The following ABCA2 variants were observed in gnomAD, a reference collection of about 807,000 sequenced individuals.
ABCA2 encodes the protein ATP binding cassette subfamily A member 2.
ABCA2 carries 84 observed loss-of-function variants against 262.8 expected under a neutral mutation model. The ratio of observed to expected loss-of-function variants is 0.32; its 90% CI spans 0.27 to 0.38. The LOEUF (loss-of-function observed/expected upper bound fraction) is 0.38. ABCA2 is among the 10% of genes least tolerant of loss of function. ABCA2 has a pLI of 1.00. For synonymous variants in ABCA2, 1,696 were observed against 1,502.9 expected, an observed-to-expected ratio of 1.13 and a Z score of -2.97; for missense variants, 2,662 against 3,405.9, an observed-to-expected ratio of 0.78 and a Z score of 5.44.
At chr9:137,010,875 TGCCCCATCCCTGCCCCCACCCCC>T in intron 39 of ABCA2, 75 bp downstream of exon 39, 1 of 621,410 alleles carries the variant, frequency 1.6e-6, no homozygotes, top group South Asian at 2.0e-5. Flanking sequence ...CACCCCCTCC[TGCCCCATCCCTGCCCCCACCCCC>T]GCCCCTACCC....
chr9:137,023,551 C>A, intron 3 of ABCA2: 1 of 742,794 alleles, frequency 1.3e-6, no homozygotes, highest in Non-Finnish European at 2.5e-6. Flanking sequence ...CAGACTCAGC[C>A]CAGAAGCCGA....
Position 137,018,080 on chromosome 9 carries a change from G to A in ABCA2, c.1994-5C>T. 1 of 1,612,078 alleles carries A rather than the reference G, an allele frequency of 6.2e-7. No homozygotes were observed. On this transcript the variant is annotated splice_region_variant and splice_polypyrimidine_tract_variant and intron_variant, in intron 14 of 48. Transcript: ENST00000341511. ...TGATGGCGCGCTCCATCATGTCTGT[G>A]GGTGGGGGCAGCCATCAGGTGCCGG...
At position 137,020,228 on chromosome 9, in the gene ABCA2, AC is replaced by A. The variant is rs1463475345; in HGVS notation, c.1425+107del. ...TGTCCCATCCGAAGCTGCACCCCGT[AC>A]CCCTCCCGTGTCAATTCTGCCGACA... On this transcript the variant is annotated intron_variant, in intron 10 of 48. Transcript: ENST00000341511. 4 of 1,475,784 alleles carry A rather than the reference AC, an allele frequency of 2.7e-6. No individual in the cohort carries two copies. In the African/African-American group the frequency reaches 5.6e-5, roughly 21 times the overall value. 91.4% of individuals were successfully genotyped at this position (1,475,784 alleles called of 1,614,324 possible).
In ABCA2 at chr9:137,011,921, T is replaced by C. The variant is rs778148793; in HGVS notation, c.5458A>G (p.Thr1820Ala). The C allele has an allele frequency of 1.2e-6, 2 of 1,612,588 alleles. No individual in the cohort carries two copies. The highest frequency in any genetic ancestry group is 1.7e-6 in the Non-Finnish European group (2 of 1,179,882). Residue 1820 changes from threonine to alanine, a missense_variant, in exon 35 of 49, where the codon ACC becomes GCC. Physicochemically the swap from Thr to Ala is moderately conservative, Grantham distance 58. Coordinates refer to ENST00000341511, the MANE Select transcript of ABCA2 (RefSeq NM_001606.5). The surrounding 1 kb of genome is among the most constrained non-coding windows in gnomAD (Gnocchi z 8.8). ...ACAAACTGCAGGTGCTTGGCCTTGG[T>C]GGACTTCTCGGCCACGAGGAAGACA... ...FVVFLVAEKS[T>A]KAKHLQFVSG...
In ABCA2 at chr9:137,007,993, G is replaced by C. The variant is rs549410600; in HGVS notation, c.7276-29C>G. ...TGCACAGGGGAGGTCAGGCTTATGG[G>C]GCATCCTGTGCCACCCCCTGCTGGG... On this transcript the variant is annotated intron_variant, in intron 48 of 48. Coordinates refer to ENST00000341511, the MANE Select transcript of ABCA2 (RefSeq NM_001606.5). The C allele has an allele frequency of 1.9e-6, 3 of 1,595,484 alleles. No homozygotes were observed. In the Admixed American group the frequency reaches 5.0e-5, roughly 27 times the overall value.
In ABCA2 at chr9:137,017,395, C is replaced by T. The variant is rs752112452; in HGVS notation, c.2403-49G>A. 6 of 1,608,142 alleles carry T rather than the reference C, an allele frequency of 3.7e-6. No homozygotes were observed. The South Asian group carries it at 5.5e-5, about 15-fold the overall frequency. On this transcript the variant is annotated intron_variant, in intron 17 of 48. Transcript: ENST00000341511. ...ACCGTCATCCACCCGCACGCCCGGCCTCCTGGGCAGGCCCGTGCCAGGGTC... is the reference window on the plus strand; with the variant it reads ...ACCGTCATCCACCCGCACGCCCGGCTTCCTGGGCAGGCCCGTGCCAGGGTC...
Position 137,013,205 on chromosome 9 carries a change from G to T in ABCA2, c.4664C>A (p.Pro1555His). 1 of 1,601,182 alleles carries T rather than the reference G, an allele frequency of 6.2e-7. No individual in the cohort carries two copies. Among genetic ancestry groups the T allele is most frequent in the East Asian group, 2.3e-5 (1 of 44,288 alleles). The part of the protein sequence containing the change: ...LKSPANGSLG[P>H]TLNLSSGESR... ...CTCCCCGCTGCTCAGGTTCAACGTG[G>T]GCCCCAGCGAGCCGTTGGCGGGAGA... Residue 1555 changes from proline (P) to histidine (H), a missense_variant, in exon 30 of 49, where the codon CCC becomes CAC. This residue lies in a region of ABCA2 where 192 missense variants were observed against 207.2 expected (regional missense o/e 0.93). Transcript: ENST00000341511.
Position 137,019,262 on chromosome 9 carries a change from G to C in ABCA2, c.1470C>G (p.Ala490=). 6.2e-7 allele frequency: 1 copy of C among 1,612,696 alleles called. No individual in the cohort carries two copies. Among genetic ancestry groups the C allele is most frequent in the African/African-American group, 1.3e-5 (1 of 75,008 alleles). ...FAFVGNVTHY[A]QVWLNISAEI... ...CCGCCGAGATGTTGAGCCAGACCTG[G>C]GCATAGTGAGTCACGTTGCCCACAA... is the stretch of plus-strand genomic sequence containing the variant. The change falls in exon 11 of 49, where the codon GCC becomes GCG. Residue 490 remains alanine (A), a synonymous_variant. Transcript: ENST00000341511. The surrounding 1 kb of genome is among the most constrained non-coding windows in gnomAD (Gnocchi z 4.4).
At chr9:137,020,302 C>T (rs1831406666) in intron 10 of ABCA2, 34 bp downstream of exon 10, 1 of 1,609,316 alleles carries the variant, frequency 6.2e-7, no homozygotes, top group Non-Finnish European at 8.5e-7. Context: ...TCCCACTCTG[C>T]CTGTCAAACA....
chr9:137,018,678 G>T, intron 13 of ABCA2, 41 bp downstream of exon 13: 1 of 1,504,848 alleles, frequency 6.6e-7, no homozygotes, highest in Non-Finnish European at 9.0e-7. Context: ...GGGAGGAAGA[G>T]GTCTGTGGGG....
At position 137,015,722 on chromosome 9, in the gene ABCA2, G is replaced by A. The variant is rs1831234877; in HGVS notation, c.3467C>T (p.Pro1156Leu). Reference sequence around the variant, plus strand: ...GTCCCAGATGGCGCGGCGCGCGTAGGGGTCCACGCCCGCCGTGGGCTCGTC... The same window carrying A: ...GTCCCAGATGGCGCGGCGCGCGTAGAGGTCCACGCCCGCCGTGGGCTCGTC... ...ILDEPTAGVD[P>L]YARRAIWDLI... Residue 1156 changes from proline to leucine, a missense_variant, in exon 23 of 49, where the codon CCC becomes CTC. Around this residue, in one of 12 missense-constraint regions of ABCA2, gnomAD observed 180 missense variants for 307.3 expected, o/e 0.59. Transcript: ENST00000341511. 1.9e-6 allele frequency: 3 copies of A among 1,611,542 alleles called. No homozygotes were observed. The highest frequency in any genetic ancestry group is 2.5e-6 in the Non-Finnish European group (3 of 1,179,562).
rs1831360779 is a variant in ABCA2, at chr9:137,018,995, C to T, written c.1630G>A (p.Asp544Asn). ...LDELPPALRQ[D>N]NFSLPSGMAL... ...ATGCCACTGGGCAGCGAGAAGTTGT[C>T]CTGTCTCAGGGCCGGCGGCAGCTCA... The change falls in exon 12 of 49, where the codon GAC becomes AAC. Residue 544 changes from aspartate to asparagine, a missense_variant. Physicochemically the swap from Asp to Asn is conservative, Grantham distance 23. Around this residue, in one of 12 missense-constraint regions of ABCA2, gnomAD observed 187 missense variants for 205.9 expected, o/e 0.91. Transcript: ENST00000341511. 6.2e-7 allele frequency: 1 copy of T among 1,613,012 alleles called. No individual in the cohort carries two copies. Among genetic ancestry groups the T allele is most frequent in the Non-Finnish European group, 8.5e-7 (1 of 1,179,884 alleles).
In ABCA2 at chr9:137,015,717, C is replaced by T. The variant is rs1347710309; in HGVS notation, c.3472G>A (p.Ala1158Thr). The change falls in exon 23 of 49, where the codon GCG becomes ACG. Residue 1158 changes from alanine (A) to threonine (T), a missense_variant. Ala to Thr is a moderately conservative substitution (Grantham distance 58). Transcript: ENST00000341511. ...DEPTAGVDPYARRAIWDLILK... is the reference protein window; with the variant it reads ...DEPTAGVDPYTRRAIWDLILK... ...ATGAGGTCCCAGATGGCGCGGCGCG[C>T]GTAGGGGTCCACGCCCGCCGTGGGC... 11 of 1,611,154 alleles carry T rather than the reference C, an allele frequency of 6.8e-6. No homozygotes were observed. The highest frequency in any genetic ancestry group is 1.6e-4 in the Middle Eastern group (1 of 6,084).
In ABCA2 at chr9:137,008,875, G is replaced by A. The variant is rs79419594; in HGVS notation, c.6931-7C>T. 1.7e-3 allele frequency: 2,792 copies of A among 1,603,838 alleles called. 34 individuals carry two copies. In the African/African-American group the frequency reaches 0.031, roughly 18 times the overall value. ...CCTTTGTGTGGTGCCGCTCCTGCAG[G>A]GGGGGAGGTCAGAGGCCTGGCAGCG... On this transcript the variant is annotated splice_polypyrimidine_tract_variant and splice_region_variant and intron_variant, in intron 46 of 48. Coordinates refer to ENST00000341511, the MANE Select transcript of ABCA2 (RefSeq NM_001606.5).
rs373446660 is a variant in ABCA2, at chr9:137,013,828, C to T, written c.4447+4G>A. On this transcript the variant is annotated splice_donor_region_variant and intron_variant, in intron 28 of 48. Transcript: ENST00000341511. ...CCAGCACCCCTGTCCAGCCGGTGGC[C>T]TACCAATCTCCGGGACGGACAGGGC... is the stretch of plus-strand genomic sequence containing the variant. 1,858 of 1,600,874 alleles carry T rather than the reference C, an allele frequency of 1.2e-3. 2 individuals carry two copies. Among genetic ancestry groups the T allele is most frequent in the Middle Eastern group, 4.8e-3 (29 of 6,060 alleles).
Position 137,010,935 on chromosome 9 carries a change from TCCCGCCCCGCCCCCGCCCCACCCCGCC to T in ABCA2, c.6056+11_6056+37del. The T allele has an allele frequency of 3.2e-6, 1 of 310,664 alleles. No homozygotes were observed. The highest frequency in any genetic ancestry group is 5.7e-6 in the Non-Finnish European group (1 of 175,504). The allele number at this position is 310,664 out of a possible 1,614,324, so 19.2% of individuals were successfully genotyped here. ...GCCCCACCCCCGAACCCATCCCTGC[TCCCGCCCCGCCCCCGCCCCACCCCGCC>T]CCCCACTCACTGTGGCCGCCGCAGG... On this transcript the variant is annotated intron_variant, in intron 39 of 48. Transcript: ENST00000341511.
At position 137,011,865 on chromosome 9, in the gene ABCA2, C is replaced by T. The variant is rs1035475628; in HGVS notation, c.5514G>A (p.Leu1838=). ...GCACCATGTCCCACACGTAGTTCGC[C>T]AGCCAGTAGATGATGGGGTTGCAGC... ...VSGCNPIIYW[L]ANYVWDMLNY... Residue 1838 remains leucine, a synonymous_variant, in exon 35 of 49, where the codon CTG becomes CTA. Transcript: ENST00000341511. This position sits in a 1 kb window ranked among gnomAD's most constrained non-coding sequence, Gnocchi z 8.8. 17 of 1,604,670 alleles carry T rather than the reference C, an allele frequency of 1.1e-5. No homozygotes were observed. Among genetic ancestry groups the T allele is most frequent in the Admixed American group, 3.4e-5 (2 of 58,864 alleles).
chr9:137,021,684 C>T lies in ABCA2; in HGVS notation c.679-74G>A, dbSNP rs912982454. On this transcript the variant is annotated intron_variant, in intron 7 of 48. Coordinates refer to ENST00000341511, the MANE Select transcript of ABCA2 (RefSeq NM_001606.5). The surrounding 1 kb of genome is among the most constrained non-coding windows in gnomAD (Gnocchi z 6.0). ...CAACCACTAGGGCCTCAGGCCTCAC[C>T]CTGCCCCACCCACTGGCTGGCTCTG... 8.2e-6 allele frequency: 12 copies of T among 1,455,634 alleles called. No individual in the cohort carries two copies. The African/African-American group carries it at 9.9e-5, about 12-fold the overall frequency. 90.2% of individuals were successfully genotyped at this position (1,455,634 alleles called of 1,614,324 possible).
chr9:137,013,834 A>G lies in ABCA2; in HGVS notation c.4445T>C (p.Ile1482Thr). The change falls in exon 28 of 49, where the codon ATT (isoleucine) becomes ACT (threonine). Residue 1482 changes from isoleucine to threonine, a missense_variant and splice_region_variant. Transcript: ENST00000341511. ...CCCCTGTCCAGCCGGTGGCCTACCAATCTCCGGGACGGACAGGGCCACGGT... is the reference window on the plus strand; with the variant it reads ...CCCCTGTCCAGCCGGTGGCCTACCAGTCTCCGGGACGGACAGGGCCACGGT... ...AMTVALSVPEIGDLPPLVLSP... is the reference protein window; with the variant it reads ...AMTVALSVPETGDLPPLVLSP... 1 of 1,604,188 alleles carries G rather than the reference A, an allele frequency of 6.2e-7. No homozygotes were observed. Among genetic ancestry groups the G allele is most frequent in the Non-Finnish European group, 8.5e-7 (1 of 1,176,084 alleles).
Sources: gnomAD v4.1 joint callset for allele counts on GRCh38, gnomAD v4.1.1 for gene constraint, gnomAD v4.1.1 regional missense constraint, Gnocchi (gnomAD v3.1) non-coding constraint, MANE v1.5 for transcripts, NCBI Gene and HGNC (gene_info 2026-07-23, HGNC 2026-07-21) for gene names.